The following PARVB variants were observed in gnomAD, a reference collection of about 807,000 sequenced individuals.
The protein encoded by PARVB is beta-parvin.
PARVB carries 46 observed loss-of-function variants against 47.0 expected under a neutral mutation model. That is an observed-to-expected ratio of 0.98 (90% CI 0.77 to 1.25). The LOEUF (loss-of-function observed/expected upper bound fraction) is 1.25, where lower values mean the gene tolerates loss of function less well. Among genes scored for constraint, PARVB ranks in the 50% most tolerant of loss-of-function variants. The probability of loss-of-function intolerance (pLI) is 0.00; values close to 1 mark genes in which losing one functional copy is unlikely to be tolerated. For synonymous variants in PARVB, 196 were observed against 196.3 expected, an observed-to-expected ratio of 1.00 and a Z score of 0.01; for missense variants, 473 against 471.6, an observed-to-expected ratio of 1.00 and a Z score of -0.03.
intron 1 of PARVB, among the ~76,000 whole-genome samples, chr22:44,093,265 T>C (rs962502536): frequency 2.6e-5 from 4 of 152,210 alleles, no homozygotes; most frequent in African/African-American, 9.7e-5. Flanking sequence ...TCATTTCTGG[T>C]TCTGGGATTG....
intron 1 of PARVB, among the ~76,000 whole-genome samples, chr22:44,038,555 C>T (rs1331010668): frequency 4.6e-5 from 7 of 152,164 alleles, no homozygotes; most frequent in East Asian, 1.9e-4. Context: ...CTGAGGTGGG[C>T]GGATCACTTG....
At chr22:44,001,420 C>T (rs796251924) in intron 2 of PARVB, among the ~76,000 whole-genome samples, 6 of 152,326 alleles carry the variant, frequency 3.9e-5, no homozygotes, top group Admixed American at 1.3e-4. Context: ...TACTGGACAT[C>T]GTGGCTTAGC....
chr22:44,093,241 A>C (rs1471377694), intron 1 of PARVB, among the ~76,000 whole-genome samples: 1 of 152,206 alleles, frequency 6.6e-6, no homozygotes, highest in Non-Finnish European at 1.5e-5. Flanking sequence ...TCACTGGTGC[A>C]GGGAGATGAG....
chr22:44,100,123 G>A lies in PARVB; in HGVS notation c.273G>A (p.Lys91=). The part of the protein sequence containing the change: ...KEDPKFKELV[K]VLLDWINDVL... ...ACCCCAAGTTCAAGGAACTGGTCAA[G>A]GTAAGGAGCTCCGTCTTGGTTGGAA... The change falls in exon 3 of 13, where the codon AAG becomes AAA. Residue 91 remains lysine, a splice_region_variant and synonymous_variant. Coordinates refer to ENST00000338758, the MANE Select transcript of PARVB (RefSeq NM_013327.5). 1 of 1,612,212 alleles carries A rather than the reference G, an allele frequency of 6.2e-7. No individual in the cohort carries two copies. The highest frequency in any genetic ancestry group is 8.5e-7 in the Non-Finnish European group (1 of 1,178,264).
At chr22:44,121,909 A>G (rs1367533854) in intron 4 of PARVB, among the ~76,000 whole-genome samples, 1 of 152,188 alleles carries the variant, frequency 6.6e-6, no homozygotes, top group Non-Finnish European at 1.5e-5. Context: ...TACAATACCA[A>G]TACCTCTATC....
rs530320967 is a variant in PARVB, at chr22:44,121,559, A to T, written c.376+2419A>T. On this transcript the variant is annotated intron_variant, in intron 4 of 12. Coordinates refer to ENST00000338758, the MANE Select transcript of PARVB (RefSeq NM_013327.5). ...CTTTTCTTCTCCTGTGTCCTTTTTT[A>T]AAAAAAAAAAATCCCCTAAAATAGA... Among the ~76,000 whole-genome samples, 342 of 71,020 alleles carry T rather than the reference A, an allele frequency of 4.8e-3. 5 individuals carry two copies. The South Asian group carries it at 0.07, about 15-fold the overall frequency. The allele number at this position is 71,020 out of a possible 152,430, so 46.6% of individuals were successfully genotyped here. A position where few individuals can be genotyped will look rare whatever the true frequency, so the allele number is the denominator to read the frequency against.
intron 1 of PARVB, among the ~76,000 whole-genome samples, chr22:44,065,097 C>A (rs1327287616): frequency 1.3e-5 from 2 of 152,128 alleles, no homozygotes; most frequent in Admixed American, 6.5e-5. Flanking sequence ...CCCCATGTGC[C>A]CCACTGAGAC....
chr22:44,151,624 G>A (rs1478380241), intron 10 of PARVB, 73 bp downstream of exon 10: 3 of 1,201,244 alleles, frequency 2.5e-6, no homozygotes, highest in Non-Finnish European at 3.7e-6. Flanking sequence ...CCCAGGTGGG[G>A]CGCGTGAACA....
chr22:44,158,958 G>A (rs2053994166), intron 11 of PARVB, among the ~76,000 whole-genome samples: 1 of 152,206 alleles, frequency 6.6e-6, no homozygotes, highest in African/African-American at 2.4e-5. Context: ...CTTCTGGCAC[G>A]TTGCAGTCTG....
intron 1 of PARVB, among the ~76,000 whole-genome samples, chr22:44,048,379 A>T (rs973120786): frequency 8.7e-5 from 13 of 149,128 alleles, no homozygotes; most frequent in Non-Finnish European, 4.5e-5. Context: ...TTTCGCTCGA[A>T]TTTTTTTTTT....
intron 4 of PARVB, among the ~76,000 whole-genome samples, chr22:44,123,135 T>A (rs2053108159): frequency 2.6e-5 from 4 of 152,258 alleles, no homozygotes; most frequent in Non-Finnish European, 4.4e-5. Context: ...AGCCACTTTC[T>A]GTCTTCCCTG....
chr22:44,079,086 A>G (rs561488367), intron 1 of PARVB, among the ~76,000 whole-genome samples: 4 of 152,186 alleles, frequency 2.6e-5, no homozygotes, highest in African/African-American at 9.7e-5. Context: ...TCAAACCCTG[A>G]TTCAGTCGTT....
intron 10 of PARVB, among the ~76,000 whole-genome samples, chr22:44,154,081 T>C (rs1490364665): frequency 6.6e-6 from 1 of 152,186 alleles, no homozygotes; most frequent in Non-Finnish European, 1.5e-5. Flanking sequence ...CTCCCCCACA[T>C]CCATACCAGC....
chr22:44,007,450 C>T (rs903272697), intron 2 of PARVB, among the ~76,000 whole-genome samples: 14 of 152,158 alleles, frequency 9.2e-5, no homozygotes, highest in Admixed American at 5.9e-4. Context: ...TTCCCAAGGT[C>T]GGGCTCTCTG....
At chr22:44,012,973 T>C (rs1196943620) in intron 2 of PARVB, among the ~76,000 whole-genome samples, 1 of 152,066 alleles carries the variant, frequency 6.6e-6, no homozygotes, top group Non-Finnish European at 1.5e-5. Context: ...GTCAGCTTAC[T>C]GCAACCTCCA....
At chr22:44,081,165 C>T (rs1195426297) in intron 1 of PARVB, among the ~76,000 whole-genome samples, 5 of 152,176 alleles carry the variant, frequency 3.3e-5, no homozygotes, top group Non-Finnish European at 5.9e-5. Context: ...GTTGTCTGTG[C>T]CCGGTGGGGC....
chr22:44,096,842 T>A (rs1425052165), intron 2 of PARVB, among the ~76,000 whole-genome samples: 1 of 152,040 alleles, frequency 6.6e-6, no homozygotes. Context: ...CACAAAACAC[T>A]GGCACAGAGA....
rs188732543 is a variant in PARVB at position 44,035,217 on chromosome 22, G to T, written c.112+10766G>T. 8.7e-4 allele frequency among the ~76,000 whole-genome samples: 132 copies of T among 152,298 alleles called. 1 individual carries two copies. The highest frequency in any genetic ancestry group is 1.1e-3 in the Non-Finnish European group (75 of 68,026). ...GAATATGCATTTATAGTACTGTGCT[G>T]TGTTTATTGATGCTGCACGTTTACA... On this transcript the variant is annotated intron_variant, in intron 1 of 12. Transcript: ENST00000338758.
chr22:44,061,255 C>T lies in PARVB; in HGVS notation c.113-32673C>T, dbSNP rs2146959020. On this transcript the variant is annotated intron_variant, in intron 1 of 12. Transcript: ENST00000338758. ...ACCAGCCTAGCTAACATGGGGAAGCCCAGTCTCTACTAAAAGTACAAAAAA... is the reference window on the plus strand; with the variant it reads ...ACCAGCCTAGCTAACATGGGGAAGCTCAGTCTCTACTAAAAGTACAAAAAA... 1.3e-5 allele frequency among the ~76,000 whole-genome samples: 2 copies of T among 152,204 alleles called. 1 individual carries two copies. Among genetic ancestry groups the T allele is most frequent in the Middle Eastern group, 6.8e-3 (2 of 294 alleles).
Sources: gnomAD v4.1 joint callset for allele counts (sites outside exome capture counted in the v4.1 genomes callset) on GRCh38, gnomAD v4.1.1 for gene constraint, MANE v1.5 for transcripts, NCBI Gene and HGNC (gene_info 2026-07-23, HGNC 2026-07-21) for gene names.